The following ANKS1B variants were observed in gnomAD, a reference collection of about 807,000 sequenced individuals.
ANKS1B encodes ankyrin repeat and sterile alpha motif domain-containing protein 1B.
A neutral mutation model predicts 148.3 loss-of-function variants in ANKS1B; 36 were observed. The ratio of observed to expected loss-of-function variants is 0.24; its 90% confidence interval spans 0.19 to 0.32. ANKS1B has a LOEUF of 0.32. ANKS1B is among the 10% of genes least tolerant of loss of function. The pLI is 1.00. For missense variants in ANKS1B, 1,157 were observed against 1,542.6 expected, an observed-to-expected ratio of 0.75 and a Z score of 4.19; for synonymous variants, 542 against 560.8, an observed-to-expected ratio of 0.97 and a Z score of 0.47.
At chr12:99,160,639 C>T (rs557975007) in intron 14 of ANKS1B, among the ~76,000 whole-genome samples, 5 of 152,124 alleles carry the variant, frequency 3.3e-5, no homozygotes, top group Non-Finnish European at 7.4e-5. Context: ...TGAGCCACCA[C>T]GCCCAGCCTC....
chr12:99,406,709 T>C (rs1381072139), intron 11 of ANKS1B, among the ~76,000 whole-genome samples: 1 of 145,498 alleles, frequency 6.9e-6, no homozygotes, highest in African/African-American at 2.6e-5. Context: ...GAAAATACCA[T>C]AAATGCTAAA....
intron 17 of ANKS1B, among the ~76,000 whole-genome samples, chr12:99,052,286 G>T (rs2099966619): frequency 1.3e-5 from 2 of 152,166 alleles, no homozygotes; most frequent in African/African-American, 4.8e-5. Context: ...GTTTTTATAG[G>T]AAATCTATGC....
intron 10 of ANKS1B, among the ~76,000 whole-genome samples, chr12:99,481,216 C>A (rs969167282): frequency 2.0e-5 from 3 of 151,680 alleles, no homozygotes; most frequent in African/African-American, 7.3e-5. Context: ...TCCATTATAT[C>A]ACTCTATGAT....
intron 12 of ANKS1B, among the ~76,000 whole-genome samples, chr12:99,316,640 G>C (rs1188652333): frequency 6.6e-6 from 1 of 151,468 alleles, no homozygotes; most frequent in African/African-American, 2.4e-5. Flanking sequence ...TCTGATGGTA[G>C]TTTCTTTTGC....
At chr12:99,806,175 A>G (rs2067620659) in intron 4 of ANKS1B, among the ~76,000 whole-genome samples, 1 of 152,204 alleles carries the variant, frequency 6.6e-6, no homozygotes, top group Admixed American at 6.5e-5. Context: ...ACTGCCATCT[A>G]CTAACTTCTC....
chr12:99,547,855 G>A (rs2097185037), intron 9 of ANKS1B, among the ~76,000 whole-genome samples: 1 of 152,094 alleles, frequency 6.6e-6, no homozygotes, highest in Admixed American at 6.6e-5. Flanking sequence ...AAGAGTTTAT[G>A]CTAGATTTTT....
chr12:99,614,130 C>G (rs1434917343), intron 9 of ANKS1B, among the ~76,000 whole-genome samples: 1 of 151,788 alleles, frequency 6.6e-6, no homozygotes, highest in Non-Finnish European at 1.5e-5. Flanking sequence ...CGAGGCAAAA[C>G]AGCATACTTG....
intron 4 of ANKS1B, among the ~76,000 whole-genome samples, chr12:99,798,029 A>T (rs956936298): frequency 3.3e-5 from 5 of 151,918 alleles, no homozygotes; most frequent in Admixed American, 1.3e-4. Flanking sequence ...TAGGTTATCT[A>T]TTCTACCAGA....
intron 14 of ANKS1B, among the ~76,000 whole-genome samples, chr12:99,208,607 A>G (rs11109758): frequency 0.17 from 26,368 of 152,110 alleles, 3,018 homozygotes; most frequent in Non-Finnish European, 0.26. Context: ...CATTGAATAT[A>G]TAAGTTTCTG....
At chr12:98,975,154 C>CT (rs2099891717) in intron 17 of ANKS1B, among the ~76,000 whole-genome samples, 1 of 148,294 alleles carries the variant, frequency 6.7e-6, no homozygotes, top group South Asian at 2.2e-4. Context: ...TCCTCCCTCT[C>CT]TTCCTTCCCT....
chr12:99,009,470 C>T (rs927063085), intron 17 of ANKS1B, among the ~76,000 whole-genome samples: 6 of 152,136 alleles, frequency 3.9e-5, no homozygotes, highest in African/African-American at 2.4e-5. Context: ...TCTTCAGTTA[C>T]GGTCCCTGCA....
intron 1 of ANKS1B, among the ~76,000 whole-genome samples, chr12:99,846,332 T>C (rs703702): frequency 6.6e-6 from 1 of 152,128 alleles, no homozygotes; most frequent in East Asian, 1.9e-4. Context: ...CTTTATTCCT[T>C]TCTAGCTATT....
intron 24 of ANKS1B, among the ~76,000 whole-genome samples, chr12:98,778,970 TC>T (rs5800363): frequency 0.029 from 4,359 of 152,284 alleles, 112 homozygotes; most frequent in East Asian, 0.12. Context: ...GAAATTAACA[TC>T]CTTCAGTTCC....
intron 17 of ANKS1B, among the ~76,000 whole-genome samples, chr12:98,970,618 C>G (rs934512321): frequency 2.0e-5 from 3 of 152,190 alleles, no homozygotes; most frequent in Non-Finnish European, 2.9e-5. Flanking sequence ...AAAATTGAGT[C>G]TATATGCTAC....
intron 14 of ANKS1B, chr12:99,154,694 G>A: frequency 4.9e-6 from 7 of 1,436,620 alleles, no homozygotes; most frequent in Non-Finnish European, 6.4e-6. Flanking sequence ...AGCAGAAGAA[G>A]GCATATCAAG....
downstream of ANKS1B, among the ~76,000 whole-genome samples, chr12:98,739,068 T>C (rs944003150): frequency 2.6e-5 from 4 of 152,276 alleles, no homozygotes; most frequent in Middle Eastern, 3.4e-3. Context: ...CTTTCATAGG[T>C]GTGCAAACAG....
chr12:98,746,670 C>T (rs1262150852), intron 26 of ANKS1B, among the ~76,000 whole-genome samples: 1 of 152,180 alleles, frequency 6.6e-6, no homozygotes, highest in Non-Finnish European at 1.5e-5. Flanking sequence ...GCCATTTTCT[C>T]CAAAACGCAG....
Position 99,191,999 on chromosome 12 carries a change from G to A in ANKS1B, c.2420-37604C>T, listed in dbSNP as rs185365522. Among the ~76,000 whole-genome samples, 921 of 151,952 alleles carry A rather than the reference G, an allele frequency of 6.1e-3. 11 individuals carry two copies. The highest frequency in any genetic ancestry group is 0.022 in the South Asian group (104 of 4,810). ...ATACAAAAATTAGCTGGGCGTGGTG[G>A]CAGGCAACTGTAACCCCAGCTACTC... is the stretch of plus-strand genomic sequence containing the variant. On this transcript the variant is annotated intron_variant, in intron 14 of 26. Transcript: ENST00000683438.
rs77217832 is a variant in ANKS1B at position 99,389,663 on chromosome 12, T to C, written c.1756+9968A>G. On this transcript the variant is annotated intron_variant, in intron 12 of 26. Transcript: ENST00000683438. ...AAGTAAACTAAAAATGACAAGATAA[T>C]TAGAGAGAAGATATATACAGCAATA... 3.9e-3 allele frequency among the ~76,000 whole-genome samples: 589 copies of C among 152,134 alleles called. 37 individuals carry two copies. In the East Asian group the frequency reaches 0.087, roughly 23 times the overall value.
Sources: gnomAD v4.1 joint callset for allele counts (sites outside exome capture counted in the v4.1 genomes callset) on GRCh38, gnomAD v4.1.1 for gene constraint, MANE v1.5 for transcripts, NCBI Gene and HGNC (gene_info 2026-07-23, HGNC 2026-07-21) for gene names.